The following ELMO1 variants were observed in gnomAD, a reference collection of about 807,000 sequenced individuals.
ELMO1 encodes the protein engulfment and cell motility protein 1.
In ELMO1, 26 loss-of-function variants were observed where a neutral mutation model predicts 98.9. That is an observed-to-expected ratio of 0.26 (90% CI 0.19 to 0.36). The LOEUF (loss-of-function observed/expected upper bound fraction) is 0.36, where lower values mean the gene tolerates loss of function less well. Among genes scored for constraint, ELMO1 ranks in the 10% least tolerant of loss-of-function variants. ELMO1 has a pLI of 1.00. For synonymous variants in ELMO1, 346 were observed against 346.0 expected (o/e 1.00, Z 0.00); for missense variants, 627 against 935.2 (o/e 0.67, Z 4.30).
intron 7 of ELMO1, among the ~76,000 whole-genome samples, chr7:37,240,002 C>T (rs200239056): frequency 3.5e-4 from 53 of 151,692 alleles, no homozygotes; most frequent in African/African-American, 1.1e-3. Flanking sequence ...TTTTCCATGG[C>T]ATTTGTCTAT....
intron 16 of ELMO1, among the ~76,000 whole-genome samples, chr7:36,926,731 T>C (rs1785608786): frequency 6.6e-6 from 1 of 152,240 alleles, no homozygotes; most frequent in Non-Finnish European, 1.5e-5. Flanking sequence ...TAAGATCTGA[T>C]ACTCTGATGT....
At chr7:37,195,495 T>C (rs143054729) in intron 13 of ELMO1, among the ~76,000 whole-genome samples, 3 of 152,176 alleles carry the variant, frequency 2.0e-5, no homozygotes, top group African/African-American at 4.8e-5. Flanking sequence ...GCCACTCAGA[T>C]AGATGGAAGA....
chr7:37,290,395 G>GATTT (rs1797613557), intron 4 of ELMO1, among the ~76,000 whole-genome samples: 1 of 152,124 alleles, frequency 6.6e-6, no homozygotes, highest in Admixed American at 6.5e-5. Flanking sequence ...TTAAAATTAT[G>GATTT]TAATCTCTGA....
intron 20 of ELMO1, among the ~76,000 whole-genome samples, chr7:36,867,884 C>T (rs1584273807): frequency 6.6e-6 from 1 of 152,098 alleles, no homozygotes. Flanking sequence ...TGTCTAACTG[C>T]TATTCTTTAA....
intron 13 of ELMO1, among the ~76,000 whole-genome samples, chr7:37,162,662 C>T (rs189357725): frequency 2.8e-4 from 42 of 152,216 alleles, no homozygotes; most frequent in African/African-American, 8.7e-4. Context: ...TGTAAAAATA[C>T]AGAATAAATA....
In ELMO1 at chr7:37,224,348, T is replaced by C. The variant is rs1793753412; in HGVS notation, c.701+531A>G. ...GGGCAGCTATCTTATGTCCATTTTA[T>C]AGCTCAAGCCACTAGAAAAAATCCT... On this transcript the variant is annotated intron_variant, in intron 9 of 21. Coordinates refer to ENST00000310758, the MANE Select transcript of ELMO1 (RefSeq NM_014800.11). Among the ~76,000 whole-genome samples, 7 of 152,238 alleles carry C rather than the reference T, an allele frequency of 4.6e-5. No homozygotes were observed. The South Asian group carries it at 1.0e-3, about 22-fold the overall frequency.
intron 1 of ELMO1, among the ~76,000 whole-genome samples, chr7:37,362,767 T>G (rs1040115881): frequency 6.6e-6 from 1 of 152,226 alleles, no homozygotes; most frequent in Non-Finnish European, 1.5e-5. Flanking sequence ...GGCTTTGTGG[T>G]ACACCTTTAC....
intron 1 of ELMO1, among the ~76,000 whole-genome samples, chr7:37,394,320 T>C (rs1803201181): frequency 6.6e-6 from 1 of 152,026 alleles, no homozygotes; most frequent in Non-Finnish European, 1.5e-5. Context: ...AAGCTGTAAA[T>C]AAGACCTCAG....
intron 16 of ELMO1, among the ~76,000 whole-genome samples, chr7:36,896,468 C>T (rs995784034): frequency 6.6e-6 from 1 of 152,194 alleles, no homozygotes; most frequent in Admixed American, 6.5e-5. Context: ...CTGATGGACT[C>T]TGTTGGCAGG....
intron 14 of ELMO1, chr7:37,116,637 A>C (rs1453329431): frequency 6.6e-6 from 1 of 152,040 alleles, no homozygotes; most frequent in Admixed American, 6.6e-5. Flanking sequence ...CAACAAATCC[A>C]TCACTGTTTT....
At chr7:36,902,735 C>A (rs1783672087) in intron 16 of ELMO1, among the ~76,000 whole-genome samples, 1 of 152,126 alleles carries the variant, frequency 6.6e-6, no homozygotes, top group Admixed American at 6.5e-5. Flanking sequence ...TAGCAATGAT[C>A]AAAATAATGA....
chr7:37,095,690 T>C (rs1784333963), intron 15 of ELMO1, among the ~76,000 whole-genome samples: 1 of 152,244 alleles, frequency 6.6e-6, no homozygotes, highest in South Asian at 2.1e-4. Flanking sequence ...AGTTCTACAC[T>C]GTAAATAAAA....
At chr7:36,911,288 T>C (rs912583730) in intron 16 of ELMO1, among the ~76,000 whole-genome samples, 2 of 151,984 alleles carry the variant, frequency 1.3e-5, no homozygotes, top group African/African-American at 4.8e-5. Context: ...ATACAAAAGA[T>C]ACAATTTTAG....
chr7:37,032,178 C>T (rs1329121698), intron 15 of ELMO1, among the ~76,000 whole-genome samples: 1 of 152,142 alleles, frequency 6.6e-6, no homozygotes, highest in Non-Finnish European at 1.5e-5. Context: ...TCACAGTTCA[C>T]GCTTATGACA....
At chr7:37,163,709 T>C (rs1437743819) in intron 13 of ELMO1, among the ~76,000 whole-genome samples, 2 of 152,244 alleles carry the variant, frequency 1.3e-5, no homozygotes, top group Non-Finnish European at 2.9e-5. Context: ...GGTGTATATG[T>C]GCCACGTTTT....
intron 16 of ELMO1, among the ~76,000 whole-genome samples, chr7:36,908,466 T>C (rs796597143): frequency 1.1e-4 from 16 of 152,326 alleles, no homozygotes; most frequent in African/African-American, 3.6e-4. Context: ...TACTTGTTTA[T>C]TAAAAACAAA....
At chr7:37,235,080 G>A (rs1235844124) in intron 7 of ELMO1, among the ~76,000 whole-genome samples, 1 of 152,134 alleles carries the variant, frequency 6.6e-6, no homozygotes, top group Non-Finnish European at 1.5e-5. Flanking sequence ...TTCCAAACCA[G>A]ACAACACAAA....
intron 15 of ELMO1, among the ~76,000 whole-genome samples, chr7:37,033,913 A>T (rs1795026404): frequency 6.6e-6 from 1 of 152,214 alleles, no homozygotes; most frequent in Admixed American, 6.5e-5. Flanking sequence ...GTTAGCTAGT[A>T]ACTCTCTCAA....
At chr7:37,168,684 T>C (rs1475600398) in intron 13 of ELMO1, among the ~76,000 whole-genome samples, 7 of 152,172 alleles carry the variant, frequency 4.6e-5, no homozygotes, top group African/African-American at 1.7e-4. Context: ...TGCTGTCTAA[T>C]CGTTCCTCTG....
Sources: gnomAD v4.1 joint callset for allele counts (sites outside exome capture counted in the v4.1 genomes callset) on GRCh38, gnomAD v4.1.1 for gene constraint, MANE v1.5 for transcripts, NCBI Gene and HGNC (gene_info 2026-07-23, HGNC 2026-07-21) for gene names.